ECPAS: variants seen among roughly 807,000 people sequenced by gnomAD.
The protein encoded by ECPAS is Ecm29 proteasome adaptor and scaffold, also known as proteasome adapter and scaffold protein ECM29.
ECPAS carries 70 observed loss-of-function variants against 255.1 expected under a neutral mutation model. The observed-to-expected ratio is 0.27, with a 90% CI of 0.23 to 0.33. The LOEUF (loss-of-function observed/expected upper bound fraction) is 0.33. Among genes scored for constraint, ECPAS ranks in the 10% least tolerant of loss-of-function variants. The pLI is 1.00. For synonymous variants in ECPAS, 784 were observed against 775.0 expected, an observed-to-expected ratio of 1.01 and a Z score of -0.19; for missense variants, 1,817 against 2,206.4, an observed-to-expected ratio of 0.82 and a Z score of 3.54.
chr9:111,363,498 TA>T (rs1407874323), intron 49 of ECPAS, 89 bp downstream of exon 49: 2 of 731,128 alleles, frequency 2.7e-6, no homozygotes, highest in African/African-American at 3.6e-5. Flanking sequence ...AGTATATGCT[TA>T]AGAGTATAAG....
At chr9:111,380,789 T>G (rs548456715) in intron 35 of ECPAS, among the ~76,000 whole-genome samples, 1 of 152,260 alleles carries the variant, frequency 6.6e-6, no homozygotes, top group African/African-American at 2.4e-5. Context: ...TGCATCTTTA[T>G]GTTATGAAGA....
At chr9:111,433,393 G>A (rs768220874) in intron 7 of ECPAS, 21 bp from the exon 8 acceptor site, 29 of 1,613,514 alleles carry the variant, frequency 1.8e-5, no homozygotes, top group Admixed American at 8.3e-5. Flanking sequence ...ATGAAGGGAA[G>A]GAGAAAGAAC....
chr9:111,427,607 G>T (rs2098223671), intron 10 of ECPAS, among the ~76,000 whole-genome samples: 1 of 152,138 alleles, frequency 6.6e-6, no homozygotes, highest in Admixed American at 6.5e-5. Context: ...AGATATCCTG[G>T]GGATGAAACC....
At chr9:111,377,183 G>C (rs1194445071) in intron 36 of ECPAS, among the ~76,000 whole-genome samples, 2 of 152,164 alleles carry the variant, frequency 1.3e-5, no homozygotes, top group East Asian at 3.8e-4. Context: ...AGCAATATTA[G>C]AGGCAAAGGG....
At chr9:111,466,575 G>A (rs1042689119) in intron 2 of ECPAS, among the ~76,000 whole-genome samples, 11 of 151,282 alleles carry the variant, frequency 7.3e-5, no homozygotes, top group African/African-American at 2.7e-4. Flanking sequence ...TGACATTCTT[G>A]TAGGAGGAAA....
At chr9:111,384,945 T>C (rs1394381462) in intron 33 of ECPAS, among the ~76,000 whole-genome samples, 3 of 152,130 alleles carry the variant, frequency 2.0e-5, no homozygotes, top group Non-Finnish European at 4.4e-5. Context: ...ATTTTAATGG[T>C]AAAATACCAA....
chr9:111,374,411 A>C (rs1469368136), intron 38 of ECPAS, among the ~76,000 whole-genome samples: 1 of 152,214 alleles, frequency 6.6e-6, no homozygotes. Context: ...TCAAAAACTG[A>C]AAACAAATCA....
chr9:111,383,372 C>T (rs150120134), intron 34 of ECPAS, 40 bp from the exon 35 acceptor site: 90 of 1,573,848 alleles, frequency 5.7e-5, no homozygotes, highest in Admixed American at 3.4e-4. Flanking sequence ...AAAGTGACCG[C>T]GCATCCAATA....
chr9:111,477,065 G>A (rs1235837653), intron 1 of ECPAS, among the ~76,000 whole-genome samples: 1 of 151,760 alleles, frequency 6.6e-6, no homozygotes, highest in Non-Finnish European at 1.5e-5. Context: ...GCCTCCCAAA[G>A]TGCTGGGATT....
At chr9:111,379,037 T>C (rs2098137113) in intron 35 of ECPAS, among the ~76,000 whole-genome samples, 1 of 152,218 alleles carries the variant, frequency 6.6e-6, no homozygotes, top group Non-Finnish European at 1.5e-5. Context: ...GAATTTATAG[T>C]AGGCATGAAA....
intron 1 of ECPAS, among the ~76,000 whole-genome samples, chr9:111,477,111 T>C (rs2098297222): frequency 6.6e-6 from 1 of 150,814 alleles, no homozygotes; most frequent in East Asian, 2.0e-4. Context: ...CCTTTTTTCT[T>C]TTTTTTCTTT....
chr9:111,373,662 C>T (rs1160802035), intron 39 of ECPAS, among the ~76,000 whole-genome samples: 1 of 152,066 alleles, frequency 6.6e-6, no homozygotes, highest in Non-Finnish European at 1.5e-5. Context: ...GTCTAGAAGC[C>T]AATCTAAGAA....
At chr9:111,369,734 C>T (rs1040523225) in intron 45 of ECPAS, among the ~76,000 whole-genome samples, 3 of 151,832 alleles carry the variant, frequency 2.0e-5, no homozygotes, top group South Asian at 2.1e-4. Flanking sequence ...AAACCACACC[C>T]TTTTTTTTGG....
chr9:111,481,490 A>G (rs533220758), intron 1 of ECPAS, among the ~76,000 whole-genome samples: 1 of 152,288 alleles, frequency 6.6e-6, no homozygotes, highest in Non-Finnish European at 1.5e-5. Flanking sequence ...TGGGCGACAG[A>G]GCAAGACTTG....
intron 17 of ECPAS, 42 bp from the exon 18 acceptor site, chr9:111,416,394 T>C: frequency 6.9e-7 from 1 of 1,453,714 alleles, no homozygotes; most frequent in Non-Finnish European, 9.7e-7. Flanking sequence ...TACTGAAAAA[T>C]GAAGCATACC....
intron 46 of ECPAS, among the ~76,000 whole-genome samples, chr9:111,366,835 A>C (rs532098473): frequency 6.6e-6 from 1 of 152,282 alleles, no homozygotes; most frequent in Non-Finnish European, 1.5e-5. Flanking sequence ...TTCCCCAAAA[A>C]CTTCAGCATG....
At position 111,433,218 on chromosome 9, in the gene ECPAS, C is replaced by T; in HGVS notation, c.848+15G>A. The stretch of plus-strand genomic sequence containing the variant: ...TAGTCCTTTCAATCTTGAAAGTTTA[C>T]AGGGAAGTAGTTACCTCTGTTTGCT... On this transcript the variant is annotated intron_variant, in intron 8 of 49. Coordinates refer to ENST00000684092, the MANE Select transcript of ECPAS (RefSeq NM_001364929.1). The T allele has an allele frequency of 1.2e-6, 2 of 1,608,788 alleles. No individual in the cohort carries two copies. The highest frequency in any genetic ancestry group is 1.7e-6 in the Non-Finnish European group (2 of 1,176,654).
intron 4 of ECPAS, 139 bp downstream of exon 4, chr9:111,444,239 A>T (rs1589210036): frequency 5.0e-5 from 12 of 238,512 alleles, no homozygotes; most frequent in East Asian, 1.6e-4. Context: ...TGTGTCATTT[A>T]AAAAAAAAAA....
At chr9:111,438,371 A>T (rs1416041086) in intron 6 of ECPAS, among the ~76,000 whole-genome samples, 1 of 152,168 alleles carries the variant, frequency 6.6e-6, no homozygotes, top group Non-Finnish European at 1.5e-5. Flanking sequence ...CAGGCCTATA[A>T]TCCCAGCATT....
Sources: allele counts gnomAD v4.1 joint callset (sites outside exome capture counted in the v4.1 genomes callset), GRCh38; gene constraint gnomAD v4.1.1; transcripts MANE v1.5; gene names NCBI Gene and HGNC (gene_info 2026-07-23, HGNC 2026-07-21).